Variants in SUMF1 observed in about 807,000 individuals in gnomAD.
SUMF1 encodes sulfatase modifying factor 1, also known as formylglycine-generating enzyme.
In SUMF1, 48 loss-of-function variants were observed where a neutral mutation model predicts 47.6. The observed-to-expected ratio is 1.01, with a 90% confidence interval of 0.80 to 1.28. The LOEUF is 1.28. Ranked by LOEUF, SUMF1 falls within the 50% of genes most tolerant of loss-of-function variation. SUMF1 has a pLI of 0.00. For missense variants in SUMF1, 571 were observed against 485.4 expected, an observed-to-expected ratio of 1.18 and a Z score of -1.66; for synonymous variants, 230 against 192.1, an observed-to-expected ratio of 1.20 and a Z score of -1.63.
At chr3:4,125,559 G>A (rs903322639) in intron 8 of SUMF1, among the ~76,000 whole-genome samples, 3 of 152,170 alleles carry the variant, frequency 2.0e-5, no homozygotes, top group African/African-American at 4.8e-5. Flanking sequence ...AGAATGTCAT[G>A]AGAAATATTA....
At chr3:4,317,057 C>A (rs2125110698) in intron 8 of SUMF1, 3 of 1,549,322 alleles carry the variant, frequency 1.9e-6, no homozygotes, top group Non-Finnish European at 2.6e-6. Context: ...TCTTGCCAAC[C>A]AACTACCACG....
chr3:4,396,841 A>G (rs9853423), intron 7 of SUMF1, among the ~76,000 whole-genome samples: 8 of 152,242 alleles, frequency 5.3e-5, no homozygotes. Context: ...TCTGACCTAT[A>G]TAACAGTAGA....
chr3:4,086,749 T>C (rs765097288), intron 8 of SUMF1, among the ~76,000 whole-genome samples: 9 of 152,062 alleles, frequency 5.9e-5, no homozygotes, highest in African/African-American at 1.7e-4. Flanking sequence ...TGGAAGATAA[T>C]TGAATCATGA....
chr3:4,177,126 T>C (rs1694983810), intron 8 of SUMF1, among the ~76,000 whole-genome samples: 1 of 152,114 alleles, frequency 6.6e-6, no homozygotes, highest in Non-Finnish European at 1.5e-5. Flanking sequence ...ATTAGACAGA[T>C]CAGTGGGACA....
chr3:4,385,129 G>A (rs926055013), intron 7 of SUMF1, among the ~76,000 whole-genome samples: 6 of 152,126 alleles, frequency 3.9e-5, no homozygotes, highest in Admixed American at 1.3e-4. Context: ...CATGAGATCA[G>A]CCTGCCTTTG....
rs1009705058 is a variant in SUMF1 at position 4,361,783 on chromosome 3, G to A, written c.*361C>T. On this transcript the variant is annotated 3_prime_UTR_variant, in exon 9 of 9. Coordinates refer to ENST00000272902, the MANE Select transcript of SUMF1 (RefSeq NM_182760.4). ...TCCATCCCTTCATTTGATAGGGGAG[G>A]GCACTTGAGGCCCAGGAAGGTCAAG... 3.4e-6 allele frequency: 1 copy of A among 296,394 alleles called. No homozygotes were observed. The highest frequency in any genetic ancestry group is 3.9e-5 in the South Asian group (1 of 25,778). 18.4% of individuals were successfully genotyped at this position (296,394 alleles called of 1,614,324 possible). A position where few individuals can be genotyped will look rare whatever the true frequency, so the allele number is the denominator to read the frequency against.
intron 3 of SUMF1, among the ~76,000 whole-genome samples, chr3:4,431,985 C>T (rs1486398328): frequency 6.6e-6 from 1 of 152,052 alleles, no homozygotes; most frequent in African/African-American, 2.4e-5. Context: ...ATGTTCAGAT[C>T]ATTCTAACAG....
At chr3:4,226,264 C>CTTTTTTT (rs869300368) in intron 8 of SUMF1, among the ~76,000 whole-genome samples, 8 of 86,982 alleles carry the variant, frequency 9.2e-5, no homozygotes, top group Non-Finnish European at 8.4e-5. Flanking sequence ...TTTTTTGTTT[C>CTTTTTTT]TTTTTTTTTT....
chr3:4,292,382 T>C (rs1237442558), intron 8 of SUMF1, among the ~76,000 whole-genome samples: 2 of 152,136 alleles, frequency 1.3e-5, no homozygotes, highest in Admixed American at 6.5e-5. Flanking sequence ...CCCAAGAACA[T>C]ATGGCTGATG....
chr3:4,335,969 A>AAAAAAAAAAAAAC (rs1699143645), intron 8 of SUMF1, among the ~76,000 whole-genome samples: 1 of 84,178 alleles, frequency 1.2e-5, no homozygotes, highest in African/African-American at 5.3e-5. Context: ...TCAAAAAAAA[A>AAAAAAAAAAAAAC]AAAAAAAAAA....
chr3:4,346,453 A>C (rs1222212329), intron 8 of SUMF1, among the ~76,000 whole-genome samples: 4 of 152,238 alleles, frequency 2.6e-5, no homozygotes, highest in Non-Finnish European at 4.4e-5. Flanking sequence ...TAATTAAGGC[A>C]GATATCAGGA....
intron 8 of SUMF1, among the ~76,000 whole-genome samples, chr3:4,291,810 C>G (rs1342342500): frequency 6.6e-6 from 1 of 152,172 alleles, no homozygotes; most frequent in Admixed American, 6.5e-5. Context: ...ACATTTCCAA[C>G]TATATAATCT....
chr3:4,374,181 G>C (rs1700254441), intron 8 of SUMF1, among the ~76,000 whole-genome samples: 1 of 152,132 alleles, frequency 6.6e-6, no homozygotes, highest in Non-Finnish European at 1.5e-5. Flanking sequence ...GAAGGTTCTA[G>C]CCAATGACAT....
intron 8 of SUMF1, among the ~76,000 whole-genome samples, chr3:4,350,357 A>G (rs958379952): frequency 3.6e-5 from 2 of 55,924 alleles, no homozygotes; most frequent in Admixed American, 2.6e-4. Flanking sequence ...GTGTGTGTAT[A>G]ATTGTGTGTG....
chr3:4,434,081 G>A (rs1702320579), intron 3 of SUMF1, among the ~76,000 whole-genome samples: 1 of 152,230 alleles, frequency 6.6e-6, no homozygotes, highest in Admixed American at 6.5e-5. Flanking sequence ...CTTAGAATAG[G>A]AGAATTCACA....
At chr3:4,445,665 T>G (rs73001422) in intron 3 of SUMF1, among the ~76,000 whole-genome samples, 1 of 152,162 alleles carries the variant, frequency 6.6e-6, no homozygotes, top group Admixed American at 6.5e-5. Context: ...TTTAAATCCA[T>G]GAGTTCATGA....
intron 3 of SUMF1, 140 bp downstream of exon 3, chr3:4,449,126 T>C: frequency 1.1e-6 from 1 of 919,360 alleles, no homozygotes; most frequent in Non-Finnish European, 1.8e-6. Context: ...CATGGGCCTA[T>C]TATTTGGGGT....
chr3:4,064,293 T>C (rs1695333269), intron 9 of SUMF1, among the ~76,000 whole-genome samples: 2 of 152,178 alleles, frequency 1.3e-5, no homozygotes, highest in South Asian at 4.1e-4. Context: ...CTGATCATTA[T>C]ATGCTAACTA....
chr3:4,174,364 A>G (rs1184298656), intron 8 of SUMF1, among the ~76,000 whole-genome samples: 3 of 151,466 alleles, frequency 2.0e-5, no homozygotes, highest in Non-Finnish European at 4.4e-5. Flanking sequence ...TCCAAAAAAA[A>G]AAAAAAAAAA....
Sources: allele counts gnomAD v4.1 joint callset (sites outside exome capture counted in the v4.1 genomes callset), GRCh38; gene constraint gnomAD v4.1.1; transcripts MANE v1.5; gene names NCBI Gene and HGNC (gene_info 2026-07-23, HGNC 2026-07-21).